CTNNA2: variants seen among roughly 807,000 people sequenced by gnomAD.
CTNNA2 encodes catenin alpha-2.
CTNNA2 carries 42 observed loss-of-function variants against 101.0 expected under a neutral mutation model. The ratio of observed to expected loss-of-function variants is 0.42; its 90% CI spans 0.32 to 0.54. The LOEUF (loss-of-function observed/expected upper bound fraction) is 0.54, where lower values mean the gene tolerates loss of function less well. Ranked by LOEUF, CTNNA2 falls within the 20% of genes least tolerant of loss-of-function variation. The pLI, the probability that CTNNA2 is intolerant of heterozygous loss-of-function variation, is 0.14. For missense variants in CTNNA2, 871 were observed against 1,223.1 expected, an observed-to-expected ratio of 0.71 and a Z score of 4.29; for synonymous variants, 450 against 456.4, an observed-to-expected ratio of 0.99 and a Z score of 0.18.
At chr2:80,205,933 C>A (rs1388738453) in intron 7 of CTNNA2, among the ~76,000 whole-genome samples, 1 of 152,132 alleles carries the variant, frequency 6.6e-6, no homozygotes, top group South Asian at 2.1e-4. Context: ...CAGGACAATG[C>A]ATTTAAAACA....
intron 7 of CTNNA2, among the ~76,000 whole-genome samples, chr2:80,385,770 T>C (rs923522959): frequency 6.6e-6 from 1 of 152,132 alleles, no homozygotes; most frequent in African/African-American, 2.4e-5. Context: ...CTCTTCTTTT[T>C]GTGGGGTCTA....
intron 12 of CTNNA2, among the ~76,000 whole-genome samples, chr2:80,568,098 C>A (rs1162463372): frequency 1.3e-5 from 2 of 152,154 alleles, no homozygotes; most frequent in Admixed American, 1.3e-4. Context: ...ATGAATCTTT[C>A]TTGCTCAATG....
At chr2:79,218,861 T>C (rs1024243604) in intron 2 of CTNNA2, among the ~76,000 whole-genome samples, 3 of 152,240 alleles carry the variant, frequency 2.0e-5, no homozygotes, top group African/African-American at 7.2e-5. Context: ...ACTGTTTTTA[T>C]GGCAATTTTT....
At chr2:79,709,191 A>G (rs1685583913) in intron 2 of CTNNA2, among the ~76,000 whole-genome samples, 1 of 152,200 alleles carries the variant, frequency 6.6e-6, no homozygotes, top group Non-Finnish European at 1.5e-5. Flanking sequence ...GGAAGGTGAC[A>G]GCTCTTACAT....
intron 3 of CTNNA2, among the ~76,000 whole-genome samples, chr2:79,782,449 C>T (rs1010502121): frequency 3.9e-5 from 6 of 152,072 alleles, no homozygotes; most frequent in Non-Finnish European, 7.4e-5. Context: ...GTTGGCCAGG[C>T]TGGTCTCAAA....
rs564877563 is a variant in CTNNA2 at position 79,398,265 on chromosome 2, T to C, written c.-135+24252T>C. Among the ~76,000 whole-genome samples, 3 of 152,250 alleles carry C rather than the reference T, an allele frequency of 2.0e-5. No individual in the cohort carries two copies. In the South Asian group the frequency reaches 6.2e-4, roughly 32 times the overall value. ...ACGGACGAGCTGTAGTAAACTATGA[T>C]TTGTCTGTATGCCTTTTCCTAGCAA... is the stretch of plus-strand genomic sequence containing the variant. On this transcript the variant is annotated intron_variant, in intron 4 of 21. Coordinates refer to the CTNNA2 transcript ENST00000466387.
chr2:79,324,188 T>C (rs367713004), intron 3 of CTNNA2, among the ~76,000 whole-genome samples: 1 of 152,194 alleles, frequency 6.6e-6, no homozygotes, highest in East Asian at 1.9e-4. Context: ...ACTATTTTGT[T>C]ACTTGCAGCT....
intron 13 of CTNNA2, among the ~76,000 whole-genome samples, chr2:80,576,881 G>A (rs1226990269): frequency 6.6e-6 from 1 of 151,652 alleles, no homozygotes; most frequent in Non-Finnish European, 1.5e-5. Flanking sequence ...GAGGAGAATT[G>A]CTTGAACCTG....
intron 7 of CTNNA2, among the ~76,000 whole-genome samples, chr2:80,320,926 C>A (rs372952430): frequency 3.3e-5 from 5 of 152,142 alleles, no homozygotes; most frequent in African/African-American, 1.2e-4. Flanking sequence ...CTCCACATTT[C>A]ATTAGGGTGG....
At chr2:79,471,489 A>C (rs1271633698) in intron 4 of CTNNA2, among the ~76,000 whole-genome samples, 4 of 152,246 alleles carry the variant, frequency 2.6e-5, no homozygotes, top group African/African-American at 7.2e-5. Context: ...TATCCCATTC[A>C]TGATGGCTCT....
intron 1 of CTNNA2, among the ~76,000 whole-genome samples, chr2:79,584,324 C>G (rs887097371): frequency 2.0e-5 from 3 of 151,924 alleles, no homozygotes; most frequent in Admixed American, 2.0e-4. Context: ...GGATGGTTTC[C>G]TAGAAGTATC....
chr2:80,419,318 G>A (rs1680306775), intron 8 of CTNNA2, 131 bp from the exon 9 acceptor site: 4 of 687,304 alleles, frequency 5.8e-6, no homozygotes, highest in African/African-American at 5.4e-5. Context: ...TAAGCACTGG[G>A]AAAATTTTAA....
At chr2:80,578,720 C>A (rs1448971550) in intron 13 of CTNNA2, among the ~76,000 whole-genome samples, 1 of 152,116 alleles carries the variant, frequency 6.6e-6, no homozygotes, top group Non-Finnish European at 1.5e-5. Flanking sequence ...TGTTGCCCGC[C>A]TCCATCACTT....
chr2:79,568,858 C>CAAAAA (rs540965419), intron 1 of CTNNA2, among the ~76,000 whole-genome samples: 13 of 68,964 alleles, frequency 1.9e-4, no homozygotes, highest in African/African-American at 8.1e-4. Flanking sequence ...TCTGTTTCTA[C>CAAAAA]AAAAAAAAAA....
chr2:79,566,923 T>C (rs1393467125), intron 1 of CTNNA2, among the ~76,000 whole-genome samples: 3 of 152,168 alleles, frequency 2.0e-5, no homozygotes, highest in Non-Finnish European at 2.9e-5. Context: ...GGCATCTTTA[T>C]GATTTAATCA....
rs143519416 is a variant in CTNNA2, at chr2:79,264,548, T to C, written c.-405-48161T>C. Among the ~76,000 whole-genome samples, 102 of 152,258 alleles carry C rather than the reference T, an allele frequency of 6.7e-4. 5 individuals carry two copies. The East Asian group carries it at 0.019, about 28-fold the overall frequency. On this transcript the variant is annotated intron_variant, in intron 2 of 21. Transcript: ENST00000466387. Reference sequence around the variant, plus strand: ...GAAAACTGAAGTTTAAGCAATGCTGTGATAATTAAGGCAGTTGAAATGACC... The same window carrying C: ...GAAAACTGAAGTTTAAGCAATGCTGCGATAATTAAGGCAGTTGAAATGACC...
At chr2:79,535,319 C>T (rs560228220) in intron 1 of CTNNA2, among the ~76,000 whole-genome samples, 5 of 152,148 alleles carry the variant, frequency 3.3e-5, no homozygotes, top group Non-Finnish European at 5.9e-5. Flanking sequence ...ATTCTCCTGC[C>T]TCAGCCTCCG....
chr2:80,312,025 T>G (rs1677638084), intron 7 of CTNNA2, among the ~76,000 whole-genome samples: 1 of 152,236 alleles, frequency 6.6e-6, no homozygotes. Flanking sequence ...TTCTTCTACT[T>G]GCTATTAGCA....
intron 7 of CTNNA2, among the ~76,000 whole-genome samples, chr2:80,250,656 A>T (rs1417044223): frequency 6.6e-6 from 1 of 152,164 alleles, no homozygotes; most frequent in Non-Finnish European, 1.5e-5. Context: ...AGTAAGTGTC[A>T]TTCCATTGGG....
Sources: gnomAD v4.1 joint callset for allele counts (sites outside exome capture counted in the v4.1 genomes callset) on GRCh38, gnomAD v4.1.1 for gene constraint, MANE v1.5 for transcripts, NCBI Gene and HGNC (gene_info 2026-07-23, HGNC 2026-07-21) for gene names.